The following PRKG1 variants were observed in gnomAD, a reference collection of about 807,000 sequenced individuals.
The protein encoded by PRKG1 is cGMP-dependent protein kinase 1.
In PRKG1, 35 loss-of-function variants were observed where a neutral mutation model predicts 88.1. The ratio of observed to expected loss-of-function variants is 0.40; its 90% confidence interval spans 0.30 to 0.53. The LOEUF (loss-of-function observed/expected upper bound fraction) is 0.53. Among genes scored for constraint, PRKG1 ranks in the 20% least tolerant of loss-of-function variants. PRKG1 has a pLI of 0.59. For synonymous variants in PRKG1, 303 were observed against 292.5 expected, an observed-to-expected ratio of 1.04 and a Z score of -0.37; for missense variants, 540 against 839.8, an observed-to-expected ratio of 0.64 and a Z score of 4.41.
intron 1 of PRKG1, among the ~76,000 whole-genome samples, chr10:51,146,399 A>G (rs1845949959): frequency 1.3e-5 from 2 of 151,092 alleles, no homozygotes; most frequent in African/African-American, 2.4e-5. Flanking sequence ...ATGTTTATTC[A>G]GATCACATGC....
intron 3 of PRKG1, chr10:51,695,651 A>G (rs1841269803): frequency 6.6e-6 from 1 of 152,220 alleles, no homozygotes; most frequent in Admixed American, 6.5e-5. Context: ...ATTAAGCATA[A>G]CTATCACATA....
intron 2 of PRKG1, among the ~76,000 whole-genome samples, chr10:51,293,639 A>G (rs1840641125): frequency 1.3e-5 from 2 of 152,128 alleles, no homozygotes; most frequent in African/African-American, 4.8e-5. Context: ...AGACATTTAG[A>G]TTACTTCCAT....
chr10:51,666,969 TGTATTTTTA>T (rs980629843), intron 3 of PRKG1, among the ~76,000 whole-genome samples: 7 of 152,014 alleles, frequency 4.6e-5, no homozygotes, highest in Admixed American at 4.6e-4. Context: ...TAATTTTTTT[TGTATTTTTA>T]GTAGAGACGT....
intron 2 of PRKG1, among the ~76,000 whole-genome samples, chr10:51,196,804 G>A (rs539078884): frequency 3.6e-4 from 55 of 152,276 alleles, no homozygotes; most frequent in Non-Finnish European, 7.1e-4. Context: ...CTCAGTTCAA[G>A]TTGGCCACTT....
chr10:51,058,838 C>G (rs1315886026), intron 1 of PRKG1, among the ~76,000 whole-genome samples: 1 of 152,090 alleles, frequency 6.6e-6, no homozygotes. Context: ...TATTGTATAT[C>G]ACACAAAAAG....
At chr10:51,556,545 T>C (rs1009154470) in intron 3 of PRKG1, among the ~76,000 whole-genome samples, 4 of 151,980 alleles carry the variant, frequency 2.6e-5, no homozygotes, top group African/African-American at 9.7e-5. Flanking sequence ...CAGAATACTA[T>C]ATAGCCATGA....
At chr10:51,549,723 T>G (rs1321094398) in intron 3 of PRKG1, among the ~76,000 whole-genome samples, 3 of 152,166 alleles carry the variant, frequency 2.0e-5, no homozygotes, top group Non-Finnish European at 4.4e-5. Flanking sequence ...ATTTGGATTA[T>G]GAAGCTGCTC....
intron 14 of PRKG1, among the ~76,000 whole-genome samples, chr10:52,287,167 AT>A (rs1175218175): frequency 1.3e-5 from 2 of 152,010 alleles, no homozygotes; most frequent in Non-Finnish European, 2.9e-5. Flanking sequence ...GCTCCTCCTC[AT>A]TTTTTAAAGT....
At chr10:52,198,486 A>T (rs1564513138) in intron 9 of PRKG1, among the ~76,000 whole-genome samples, 2 of 152,238 alleles carry the variant, frequency 1.3e-5, no homozygotes, top group South Asian at 4.1e-4. Context: ...CAATGAGCAA[A>T]TAGAATCAGG....
intron 1 of PRKG1, among the ~76,000 whole-genome samples, chr10:51,149,046 A>G (rs1411321915): frequency 6.6e-6 from 1 of 152,108 alleles, no homozygotes; most frequent in Non-Finnish European, 1.5e-5. Context: ...TCAACCATAC[A>G]GGTCTCCTTT....
At chr10:51,360,129 C>T (rs1291008362) in intron 2 of PRKG1, among the ~76,000 whole-genome samples, 1 of 151,888 alleles carries the variant, frequency 6.6e-6, no homozygotes, top group Middle Eastern at 3.2e-3. Flanking sequence ...TCTTTTGGAA[C>T]ACTGCTTTTC....
Position 51,628,115 on chromosome 10 carries a change from T to C in PRKG1, c.592+160279T>C, listed in dbSNP as rs55931511. ...TTCCTTCCCTTTCTTTCTTTCCTTC[T>C]TTATTTCTCTTTCTTTCTTTCTTTC... On this transcript the variant is annotated intron_variant, in intron 3 of 17. Transcript: ENST00000373980. Among the ~76,000 whole-genome samples, 5 of 134,008 alleles carry C rather than the reference T, an allele frequency of 3.7e-5. No individual in the cohort carries two copies. The East Asian group carries it at 8.5e-4, about 23-fold the overall frequency. 87.9% of individuals were successfully genotyped at this position (134,008 alleles called of 152,430 possible). A position where few individuals can be genotyped will look rare whatever the true frequency, so the allele number is the denominator to read the frequency against.
chr10:51,991,626 C>T lies in PRKG1; in HGVS notation c.763-62858C>T, dbSNP rs11000397. Among the ~76,000 whole-genome samples the T allele has an allele frequency of 8.5e-3, 1,292 of 152,194 alleles. 14 individuals are homozygous for T. Among genetic ancestry groups the T allele is most frequent in the African/African-American group, 0.028 (1,164 of 41,504 alleles). On this transcript the variant is annotated intron_variant, in intron 5 of 17. Coordinates refer to ENST00000373980, the MANE Select transcript of PRKG1 (RefSeq NM_006258.4). ...ATTCCCACCTATGAGTGAGAACATG[C>T]AGTGTTTGGTTTTTTGTCTTTGCGA...
At chr10:51,460,518 T>C (rs767756752) in intron 2 of PRKG1, among the ~76,000 whole-genome samples, 10 of 152,202 alleles carry the variant, frequency 6.6e-5, no homozygotes, top group Non-Finnish European at 1.2e-4. Flanking sequence ...ATGATTAGTC[T>C]ATTTTCCTTT....
intron 5 of PRKG1, among the ~76,000 whole-genome samples, chr10:52,052,311 A>G (rs924242652): frequency 1.3e-5 from 2 of 152,108 alleles, no homozygotes; most frequent in Non-Finnish European, 2.9e-5. Context: ...ACACTGGTTC[A>G]TGCCTATAAT....
At chr10:51,210,833 A>G (rs1589246978) in intron 2 of PRKG1, among the ~76,000 whole-genome samples, 2 of 152,194 alleles carry the variant, frequency 1.3e-5, no homozygotes, top group East Asian at 1.9e-4. Flanking sequence ...TAGCTTACCA[A>G]CCAAAAAAAG....
At chr10:51,724,030 C>T (rs1046070703) in intron 3 of PRKG1, among the ~76,000 whole-genome samples, 1 of 151,916 alleles carries the variant, frequency 6.6e-6, no homozygotes, top group Non-Finnish European at 1.5e-5. Flanking sequence ...ACGGGTGTGT[C>T]GATGTGGAGA....
intron 2 of PRKG1, among the ~76,000 whole-genome samples, chr10:51,180,558 A>C (rs746679429): frequency 6.6e-6 from 1 of 152,190 alleles, no homozygotes; most frequent in African/African-American, 2.4e-5. Context: ...ATATAATTGC[A>C]ATCTAATTAA....
chr10:51,340,910 A>G (rs781774479), intron 2 of PRKG1, among the ~76,000 whole-genome samples: 13 of 152,310 alleles, frequency 8.5e-5, no homozygotes, highest in African/African-American at 3.1e-4. Context: ...CAAAGTTCTC[A>G]GTAATTGATT....
Sources: allele counts gnomAD v4.1 joint callset (sites outside exome capture counted in the v4.1 genomes callset), GRCh38; gene constraint gnomAD v4.1.1; transcripts MANE v1.5; gene names NCBI Gene and HGNC (gene_info 2026-07-23, HGNC 2026-07-21).